The following IGSF11 variants were observed in gnomAD, a reference collection of about 807,000 sequenced individuals.
IGSF11 encodes the protein CXADR like 1.
A neutral mutation model predicts 41.0 loss-of-function variants in IGSF11; 22 were observed. That is an observed-to-expected ratio of 0.54 (90% confidence interval 0.38 to 0.77). The LOEUF (loss-of-function observed/expected upper bound fraction) is 0.77, where lower values mean the gene tolerates loss of function less well. Ranked by LOEUF, IGSF11 falls within the 30% of genes least tolerant of loss-of-function variation. The pLI, the probability that IGSF11 is intolerant of heterozygous loss-of-function variation, is 0.00. For synonymous variants in IGSF11, 219 were observed against 201.3 expected (o/e 1.09, Z -0.74); for missense variants, 444 against 530.8 (o/e 0.84, Z 1.61).
intron 3 of IGSF11, 148 bp downstream of exon 3, chr3:118,928,361 T>TGGAGAAGGAGAGAAGAGATGGAACTG (rs1360061000): frequency 1.6e-6 from 1 of 617,076 alleles, no homozygotes; most frequent in African/African-American, 1.9e-5. Flanking sequence ...GTAAGAAGCA[T>TGGAGAAGGAGAGAAGAGATGGAACTG]GGAGAAGGAG....
chr3:118,908,989 T>G (rs1463291694), intron 4 of IGSF11, among the ~76,000 whole-genome samples: 7 of 152,222 alleles, frequency 4.6e-5, no homozygotes, highest in Admixed American at 6.5e-5. Context: ...AAACTGTAGA[T>G]TACTGTGAGG....
chr3:118,940,890 A>C lies in IGSF11; in HGVS notation c.53-10615T>G, dbSNP rs1943635279. Among the ~76,000 whole-genome samples, 5 of 147,174 alleles carry C rather than the reference A, an allele frequency of 3.4e-5. No homozygotes were observed. The South Asian group carries it at 1.1e-3, about 32-fold the overall frequency. ...TTTTTGAAAAACTGCACTGGGGGAAAAAATAATCTCCATATGCCAAAAAAA... is the reference window on the plus strand; with the variant it reads ...TTTTTGAAAAACTGCACTGGGGGAACAAATAATCTCCATATGCCAAAAAAA... On this transcript the variant is annotated intron_variant, in intron 1 of 6. Coordinates refer to ENST00000393775, the MANE Select transcript of IGSF11 (RefSeq NM_001015887.3).
chr3:119,072,694 G>A (rs989824495), intron 1 of IGSF11, among the ~76,000 whole-genome samples: 8 of 152,202 alleles, frequency 5.3e-5, no homozygotes, highest in Non-Finnish European at 1.0e-4. Flanking sequence ...CCTCAGGAAT[G>A]AGGCTGCAGA....
chr3:119,047,643 G>A (rs558993408), intron 1 of IGSF11, among the ~76,000 whole-genome samples: 1,743 of 151,936 alleles, frequency 0.011, 28 homozygotes, highest in East Asian at 0.075. Context: ...TGCACCAAGA[G>A]GACGTAATAG....
rs183121407 is a variant in IGSF11, at chr3:119,081,711, C to T, written c.49+23433G>A. On this transcript the variant is annotated intron_variant, in intron 1 of 6. Coordinates refer to the IGSF11 transcript ENST00000354673. ...GAGTTGTTTTGGATTTCTAAAGACC[C>T]TTTCAGTTTTATGATGCTGTTACTT... Among the ~76,000 whole-genome samples, 12 of 152,232 alleles carry T rather than the reference C, an allele frequency of 7.9e-5. No homozygotes were observed. In the East Asian group the frequency reaches 2.3e-3, roughly 29 times the overall value.
intron 1 of IGSF11, among the ~76,000 whole-genome samples, chr3:119,050,214 C>T (rs1017084103): frequency 1.3e-5 from 2 of 151,826 alleles, no homozygotes; most frequent in Non-Finnish European, 2.9e-5. Context: ...GAACAGGCAA[C>T]CTACAAAATG....
In IGSF11 at chr3:119,094,661, G is replaced by T. The variant is rs548934057; in HGVS notation, c.49+10483C>A. On this transcript the variant is annotated intron_variant, in intron 1 of 6. Transcript: ENST00000354673. ...GTGAACAAAGCCAGAAAATCCCAGA[G>T]AGCAACTCTATTTTTTTTTTTTTTT... Among the ~76,000 whole-genome samples the T allele has an allele frequency of 4.4e-4, 64 of 146,088 alleles. 1 individual carries two copies. In the East Asian group the frequency reaches 0.013, roughly 29 times the overall value.
intron 1 of IGSF11, among the ~76,000 whole-genome samples, chr3:119,054,059 A>C (rs538029495): frequency 2.6e-5 from 4 of 152,226 alleles, no homozygotes; most frequent in Non-Finnish European, 5.9e-5. Flanking sequence ...GAAATCATAA[A>C]AATTCTAAAA....
rs114265422 is a variant in IGSF11, at chr3:118,909,283, A to C, written c.581-3565T>G. Among the ~76,000 whole-genome samples, 1,273 of 152,172 alleles carry C rather than the reference A, an allele frequency of 8.4e-3. 24 individuals are homozygous for C. Among genetic ancestry groups the C allele is most frequent in the African/African-American group, 0.027 (1,139 of 41,550 alleles). On this transcript the variant is annotated intron_variant, in intron 4 of 6. Transcript: ENST00000393775. ...AATAAACTGAACATTTCTTATATAA[A>C]AGTTTCAGAAGTATTCTGTAGGCTA... is the stretch of plus-strand genomic sequence containing the variant.
chr3:118,967,481 T>G (rs1317695111), intron 1 of IGSF11, among the ~76,000 whole-genome samples: 2 of 152,118 alleles, frequency 1.3e-5, no homozygotes, highest in Non-Finnish European at 1.5e-5. Context: ...TTTTAAAAAT[T>G]AAACATAAGC....
At chr3:118,922,303 C>T (rs1019731869) in intron 4 of IGSF11, among the ~76,000 whole-genome samples, 3 of 151,970 alleles carry the variant, frequency 2.0e-5, no homozygotes, top group Non-Finnish European at 2.9e-5. Context: ...AATTGACTAA[C>T]AAAAATTGTA....
chr3:118,984,525 T>C (rs1043535630), intron 1 of IGSF11, among the ~76,000 whole-genome samples: 5 of 151,834 alleles, frequency 3.3e-5, no homozygotes, highest in East Asian at 1.9e-4. Flanking sequence ...TTTACCTTAA[T>C]GGATAGAAAA....
At chr3:119,050,442 T>G (rs1187493349) in intron 1 of IGSF11, among the ~76,000 whole-genome samples, 2 of 151,998 alleles carry the variant, frequency 1.3e-5, no homozygotes, top group East Asian at 3.9e-4. Context: ...AAAACCACAA[T>G]GAGATACCAT....
chr3:118,902,305 G>A lies in IGSF11; in HGVS notation c.*215C>T, dbSNP rs955641416. On this transcript the variant is annotated 3_prime_UTR_variant, in exon 7 of 7. Transcript: ENST00000393775. ...ATCTTTGAGATCCAGCAGAATCCCA[G>A]GACATCTTTGGTGGGGAAGCAAGTC... 15 of 509,478 alleles carry A rather than the reference G, an allele frequency of 2.9e-5. No homozygotes were observed. Among genetic ancestry groups the A allele is most frequent in the Non-Finnish European group, 7.0e-6 (2 of 287,114 alleles). The allele number at this position is 509,478 out of a possible 1,614,324, so 31.6% of individuals were successfully genotyped here. A position where few individuals can be genotyped will look rare whatever the true frequency, so the allele number is the denominator to read the frequency against.
intron 4 of IGSF11, among the ~76,000 whole-genome samples, chr3:118,921,694 C>T (rs930462058): frequency 6.6e-6 from 1 of 152,168 alleles, no homozygotes; most frequent in African/African-American, 2.4e-5. Flanking sequence ...CCACTGTCTC[C>T]AGAACTTACA....
At chr3:119,045,184 C>T (rs1401413678) in intron 1 of IGSF11, among the ~76,000 whole-genome samples, 3 of 152,204 alleles carry the variant, frequency 2.0e-5, no homozygotes, top group Non-Finnish European at 4.4e-5. Context: ...CAGCTCCCAG[C>T]GTGAGCGACA....
Position 118,928,492 on chromosome 3 carries a change from A to G in IGSF11, c.424+17T>C, listed in dbSNP as rs1472105046. ...GTGAGTAAAGCCCGAACAGCCAAGG[A>G]CTCTTGTGTCACTCACCTAACACTG... On this transcript the variant is annotated intron_variant, in intron 3 of 6. Transcript: ENST00000393775. 6.2e-7 allele frequency: 1 copy of G among 1,603,620 alleles called. No individual in the cohort carries two copies. The highest frequency in any genetic ancestry group is 2.2e-5 in the East Asian group (1 of 44,814).
intron 1 of IGSF11, among the ~76,000 whole-genome samples, chr3:118,950,606 G>A (rs2107580887): frequency 6.6e-6 from 1 of 151,800 alleles, no homozygotes; most frequent in African/African-American, 2.4e-5. Flanking sequence ...TGCCTGGAAA[G>A]CTATTAATAA....
intron 1 of IGSF11, among the ~76,000 whole-genome samples, chr3:119,083,527 CACACACACAA>C (rs111953225): frequency 0.055 from 8,041 of 145,268 alleles, 331 homozygotes; most frequent in Admixed American, 0.15. Context: ...CACACACACA[CACACACACAA>C]ACACACACAC....
Sources: gnomAD v4.1 joint callset for allele counts (sites outside exome capture counted in the v4.1 genomes callset) on GRCh38, gnomAD v4.1.1 for gene constraint, MANE v1.5 for transcripts, NCBI Gene and HGNC (gene_info 2026-07-23, HGNC 2026-07-21) for gene names.